SCARB1: variants seen among roughly 807,000 people sequenced by gnomAD.
SCARB1 encodes CD36 and LIMPII analogous 1.
A neutral mutation model predicts 57.2 loss-of-function variants in SCARB1; 30 were observed. The ratio of observed to expected loss-of-function variants is 0.52; its 90% CI spans 0.39 to 0.71. The LOEUF (loss-of-function observed/expected upper bound fraction) is 0.71, where lower values mean the gene tolerates loss of function less well. Ranked by LOEUF, SCARB1 falls within the 30% of genes least tolerant of loss-of-function variation. SCARB1 has a pLI of 0.00. For synonymous variants in SCARB1, 249 were observed against 268.3 expected, an observed-to-expected ratio of 0.93 and a Z score of 0.70; for missense variants, 543 against 671.2, an observed-to-expected ratio of 0.81 and a Z score of 2.11.
chr12:124,853,646 C>T (rs1241381958), intron 1 of SCARB1, among the ~76,000 whole-genome samples: 4 of 152,142 alleles, frequency 2.6e-5, no homozygotes, highest in African/African-American at 9.7e-5. Context: ...CCACCCACTT[C>T]GGCCTCCCAA....
At chr12:124,824,004 A>G (rs1951039279) in intron 1 of SCARB1, among the ~76,000 whole-genome samples, 1 of 149,240 alleles carries the variant, frequency 6.7e-6, no homozygotes, top group South Asian at 2.1e-4. Flanking sequence ...GCCTCTATTA[A>G]AAAAAAAATA....
At position 124,788,289 on chromosome 12, in the gene SCARB1, T is replaced by C. The variant is rs958238416; in HGVS notation, c.1203-832A>G. ...CCACCAGTGACCCAGCCAAAATCCA[T>C]TGGTCCCTTTTAGAAACAGGACCCA... On this transcript the variant is annotated intron_variant, in intron 9 of 12. Transcript: ENST00000261693. 4.5e-4 allele frequency among the ~76,000 whole-genome samples: 69 copies of C among 152,214 alleles called. 2 individuals carry two copies. The highest frequency in any genetic ancestry group is 1.5e-3 in the African/African-American group (61 of 41,450).
At chr12:124,801,464 GAAAACAAAAC>G (rs879505910) in intron 7 of SCARB1, among the ~76,000 whole-genome samples, 2 of 152,118 alleles carry the variant, frequency 1.3e-5, no homozygotes, top group Admixed American at 6.6e-5. Context: ...CCTCAGTAAG[GAAAACAAAAC>G]AAAACAAAAC....
chr12:124,788,550 G>A (rs1487832135), intron 9 of SCARB1, among the ~76,000 whole-genome samples: 2 of 152,208 alleles, frequency 1.3e-5, no homozygotes, highest in Non-Finnish European at 2.9e-5. Context: ...TGCAGACACT[G>A]GGACCAGAGG....
rs1555265360 is a variant in SCARB1, at chr12:124,843,299, G to GGC, written c.126+20295_126+20296insGC. On this transcript the variant is annotated intron_variant, in intron 1 of 12. Transcript: ENST00000261693. ...TTACTTTCTGTGGAGATGGGGGGGG[G>GGC]GGTCTTACTATGTTACCCAGGCTGG... Among the ~76,000 whole-genome samples the GGC allele has an allele frequency of 4.7e-3, 667 of 143,366 alleles. 5 individuals are homozygous for GGC. The highest frequency in any genetic ancestry group is 6.6e-3 in the Non-Finnish European group (431 of 65,370). 94.1% of individuals were successfully genotyped at this position (143,366 alleles called of 152,430 possible). A position where few individuals can be genotyped will look rare whatever the true frequency, so the allele number is the denominator to read the frequency against.
intron 1 of SCARB1, among the ~76,000 whole-genome samples, chr12:124,824,046 CA>C (rs1474623061): frequency 1.3e-5 from 2 of 151,432 alleles, no homozygotes; most frequent in African/African-American, 4.9e-5. Flanking sequence ...TGGTGGCAGC[CA>C]ACTGTATTCC....
chr12:124,858,656 G>C lies in SCARB1; in HGVS notation c.126+4939C>G, dbSNP rs1952740099. Among the ~76,000 whole-genome samples, 3 of 152,008 alleles carry C rather than the reference G, an allele frequency of 2.0e-5. No individual in the cohort carries two copies. The South Asian group carries it at 6.2e-4, about 32-fold the overall frequency. ...GCACTTTGGGAGGCCGAGACGGGCG[G>C]ATCACGAGGTCAGGAGATTGAGACC... On this transcript the variant is annotated intron_variant, in intron 1 of 12. Transcript: ENST00000261693.
At chr12:124,793,364 G>A (rs977758053) in intron 9 of SCARB1, among the ~76,000 whole-genome samples, 4 of 152,142 alleles carry the variant, frequency 2.6e-5, no homozygotes, top group Non-Finnish European at 5.9e-5. Flanking sequence ...GCTGGTGCGC[G>A]TGGGGAGGAA....
chr12:124,855,137 C>T (rs750248707), intron 1 of SCARB1, among the ~76,000 whole-genome samples: 22 of 152,164 alleles, frequency 1.4e-4, no homozygotes, highest in South Asian at 2.1e-4. Flanking sequence ...CCTCAAGGGT[C>T]CTTCTAGAAG....
chr12:124,860,095 C>T (rs879286329), intron 1 of SCARB1, among the ~76,000 whole-genome samples: 5 of 151,998 alleles, frequency 3.3e-5, no homozygotes, highest in Admixed American at 2.0e-4. Context: ...GGATTACAGG[C>T]GTGCACCACC....
intron 1 of SCARB1, among the ~76,000 whole-genome samples, chr12:124,845,221 G>A (rs1448407248): frequency 6.6e-6 from 1 of 152,140 alleles, no homozygotes; most frequent in Non-Finnish European, 1.5e-5. Context: ...CACCAGCCCA[G>A]ACGCCCATCC....
intron 1 of SCARB1, among the ~76,000 whole-genome samples, chr12:124,857,142 C>T (rs944434918): frequency 6.6e-6 from 1 of 152,106 alleles, no homozygotes; most frequent in Non-Finnish European, 1.5e-5. Context: ...CAGAGGCCAC[C>T]GGGACCAGCT....
rs1466912551 is a variant in SCARB1, at chr12:124,814,439, G to A, written c.427-34C>T. On this transcript the variant is annotated intron_variant, in intron 3 of 12. Coordinates refer to ENST00000261693, the MANE Select transcript of SCARB1 (RefSeq NM_005505.5). The surrounding 1 kb of genome is among the most constrained non-coding windows in gnomAD (Gnocchi z 4.7). Reference sequence around the variant, plus strand: ...CGAAGGGACACTAGTGTCAGAGGCTGGACGTGGCTGGCCCATCCTCCCTTG... The same window carrying A: ...CGAAGGGACACTAGTGTCAGAGGCTAGACGTGGCTGGCCCATCCTCCCTTG... 4.4e-6 allele frequency: 7 copies of A among 1,604,908 alleles called. No individual in the cohort carries two copies. The Admixed American group carries it at 1.0e-4, about 23-fold the overall frequency.
intron 11 of SCARB1, 94 bp from the exon 12 acceptor site, chr12:124,782,905 C>G (rs1949370784): frequency 7.6e-7 from 1 of 1,315,196 alleles, no homozygotes; most frequent in Non-Finnish European, 1.1e-6. Flanking sequence ...AAAGAGGAAA[C>G]AGGAAAGGCA....
intron 1 of SCARB1, among the ~76,000 whole-genome samples, chr12:124,835,823 G>A (rs981159089): frequency 1.3e-5 from 2 of 152,210 alleles, no homozygotes; most frequent in Non-Finnish European, 1.5e-5. Flanking sequence ...GAACCTGGGT[G>A]ATGTCCAGCT....
intron 1 of SCARB1, among the ~76,000 whole-genome samples, chr12:124,845,169 T>C (rs530005426): frequency 6.6e-6 from 1 of 151,650 alleles, no homozygotes; most frequent in South Asian, 2.1e-4. Context: ...GCCAAGCGAG[T>C]TCCCGAACAT....
At position 124,863,829 on chromosome 12, in the gene SCARB1, G is replaced by C. The variant is rs1953006291; in HGVS notation, c.-109C>G. On this transcript the variant is annotated 5_prime_UTR_variant, in exon 1 of 13. Coordinates refer to ENST00000261693, the MANE Select transcript of SCARB1 (RefSeq NM_005505.5). ...GGGGACTCCGGGCACGCAGGCCGCA[G>C]AGGCACGGTGGATCCGGGACGGCAG... 7 of 1,293,354 alleles carry C rather than the reference G, an allele frequency of 5.4e-6. No homozygotes were observed. The highest frequency in any genetic ancestry group is 7.0e-6 in the Non-Finnish European group (7 of 1,004,316). 80.1% of individuals were successfully genotyped at this position (1,293,354 alleles called of 1,614,324 possible).
rs537452666 is a variant in SCARB1, at chr12:124,811,638, G to A, written c.726+232C>T. Among the ~76,000 whole-genome samples, 3 of 152,254 alleles carry A rather than the reference G, an allele frequency of 2.0e-5. No individual in the cohort carries two copies. In the East Asian group the frequency reaches 5.8e-4, roughly 29 times the overall value. The stretch of plus-strand genomic sequence containing the variant: ...AGCACTCAGTTCCCAGCAGATGCCA[G>A]GTGCTCAGTAAGCTCAGTAAGCAAT... On this transcript the variant is annotated intron_variant, in intron 5 of 12. Transcript: ENST00000261693.
At chr12:124,843,021 G>C (rs1263210179) in intron 1 of SCARB1, among the ~76,000 whole-genome samples, 2 of 152,218 alleles carry the variant, frequency 1.3e-5, no homozygotes, top group African/African-American at 2.4e-5. Flanking sequence ...GAAAAACAAG[G>C]AACTATTAAC....
Sources: gnomAD v4.1 joint callset for allele counts (sites outside exome capture counted in the v4.1 genomes callset) on GRCh38, gnomAD v4.1.1 for gene constraint, Gnocchi (gnomAD v3.1) non-coding constraint, MANE v1.5 for transcripts, NCBI Gene and HGNC (gene_info 2026-07-23, HGNC 2026-07-21) for gene names.